Variants in SYNDIG1 observed in about 807,000 individuals in gnomAD.
SYNDIG1 encodes synapse differentiation inducing 1, also known as synapse differentiation-inducing gene protein 1.
SYNDIG1 carries 9 observed loss-of-function variants against 19.4 expected under a neutral mutation model. That is an observed-to-expected ratio of 0.46 (90% CI 0.28 to 0.81). SYNDIG1 has a LOEUF of 0.81. SYNDIG1 is among the 30% of genes least tolerant of loss of function. The probability of loss-of-function intolerance (pLI) is 0.12; values close to 1 mark genes in which losing one functional copy is unlikely to be tolerated. For synonymous variants in SYNDIG1, 141 were observed against 145.9 expected, an observed-to-expected ratio of 0.97 and a Z score of 0.24; for missense variants, 311 against 343.3, an observed-to-expected ratio of 0.91 and a Z score of 0.74.
At chr20:24,579,180 G>T (rs980316057) in intron 2 of SYNDIG1, among the ~76,000 whole-genome samples, 2 of 152,224 alleles carry the variant, frequency 1.3e-5, no homozygotes, top group Admixed American at 6.5e-5. Context: ...CCTGGCCCGG[G>T]TGCTCCGTCA....
chr20:24,647,451 C>T (rs1398331696), intron 3 of SYNDIG1, among the ~76,000 whole-genome samples: 2 of 152,156 alleles, frequency 1.3e-5, no homozygotes, highest in East Asian at 1.9e-4. Flanking sequence ...TGGTATTATA[C>T]GAACATCCTC....
At chr20:24,609,469 C>T (rs1001590493) in intron 3 of SYNDIG1, among the ~76,000 whole-genome samples, 9 of 152,130 alleles carry the variant, frequency 5.9e-5, no homozygotes, top group Non-Finnish European at 1.3e-4. Context: ...TCCATATGTA[C>T]GTCCCTGGAA....
intron 1 of SYNDIG1, among the ~76,000 whole-genome samples, chr20:24,529,651 T>TTG (rs988251053): frequency 1.3e-5 from 2 of 152,234 alleles, no homozygotes; most frequent in African/African-American, 4.8e-5. Flanking sequence ...CATTCTTAGC[T>TTG]TGTGGGCTGT....
At chr20:24,554,427 T>C (rs1188186302) in intron 2 of SYNDIG1, among the ~76,000 whole-genome samples, 3 of 152,276 alleles carry the variant, frequency 2.0e-5, no homozygotes, top group Admixed American at 6.5e-5. Flanking sequence ...TTCAGTATGA[T>C]ATTGGCTGTG....
chr20:24,473,797 G>T (rs2055539390), intron 1 of SYNDIG1, among the ~76,000 whole-genome samples: 1 of 152,202 alleles, frequency 6.6e-6, no homozygotes, highest in Non-Finnish European at 1.5e-5. Context: ...AGACAATGAA[G>T]TGTCCTCAAT....
intron 2 of SYNDIG1, among the ~76,000 whole-genome samples, chr20:24,563,346 T>C (rs1440889406): frequency 6.6e-6 from 1 of 152,196 alleles, no homozygotes; most frequent in African/African-American, 2.4e-5. Context: ...CCTCCCAATC[T>C]TAAAACTTGA....
At chr20:24,577,719 T>C (rs968878646) in intron 2 of SYNDIG1, among the ~76,000 whole-genome samples, 1 of 152,228 alleles carries the variant, frequency 6.6e-6, no homozygotes, top group African/African-American at 2.4e-5. Flanking sequence ...TGTCCTCAGT[T>C]GCCCTGGAGC....
chr20:24,615,816 C>G (rs1250195092), intron 3 of SYNDIG1, among the ~76,000 whole-genome samples: 1 of 149,414 alleles, frequency 6.7e-6, no homozygotes, highest in East Asian at 2.0e-4. Context: ...TTCCCTCTCC[C>G]CTCCCCGCCC....
chr20:24,494,220 T>C (rs2146330004), intron 1 of SYNDIG1, among the ~76,000 whole-genome samples: 1 of 152,242 alleles, frequency 6.6e-6, no homozygotes, highest in East Asian at 1.9e-4. Context: ...CAGGGCAGTA[T>C]GTGTGGGACT....
At chr20:24,627,383 A>C (rs780737460) in intron 3 of SYNDIG1, among the ~76,000 whole-genome samples, 1 of 152,152 alleles carries the variant, frequency 6.6e-6, no homozygotes, top group Non-Finnish European at 1.5e-5. Context: ...GAATCTGGAA[A>C]ACTTGAATGA....
chr20:24,640,077 T>C (rs2059355932), intron 3 of SYNDIG1, among the ~76,000 whole-genome samples: 1 of 152,190 alleles, frequency 6.6e-6, no homozygotes, highest in African/African-American at 2.4e-5. Context: ...CTCATGCCTG[T>C]AATTCCAGCA....
intron 2 of SYNDIG1, among the ~76,000 whole-genome samples, chr20:24,580,061 G>T (rs1254640023): frequency 6.6e-6 from 1 of 152,202 alleles, no homozygotes; most frequent in African/African-American, 2.4e-5. Flanking sequence ...GCCTTTCTCT[G>T]CCTTGGCTTT....
At chr20:24,659,590 C>A (rs1025500785) in intron 3 of SYNDIG1, among the ~76,000 whole-genome samples, 1 of 152,178 alleles carries the variant, frequency 6.6e-6, no homozygotes, top group Non-Finnish European at 1.5e-5. Flanking sequence ...GAAGCTGTGG[C>A]CCGGAAGATG....
chr20:24,559,420 G>C (rs890095526), intron 2 of SYNDIG1, among the ~76,000 whole-genome samples: 1 of 152,172 alleles, frequency 6.6e-6, no homozygotes, highest in Non-Finnish European at 1.5e-5. Flanking sequence ...TGTCATAAAA[G>C]TGCACATGTA....
At chr20:24,579,281 G>A (rs1049001775) in intron 2 of SYNDIG1, among the ~76,000 whole-genome samples, 1 of 152,168 alleles carries the variant, frequency 6.6e-6, no homozygotes, top group African/African-American at 2.4e-5. Context: ...TGGCAAGATG[G>A]TGTCTGTTAA....
chr20:24,642,802 A>G (rs763356443), intron 3 of SYNDIG1, among the ~76,000 whole-genome samples: 3 of 152,064 alleles, frequency 2.0e-5, no homozygotes, highest in Middle Eastern at 3.4e-3. Context: ...CTATTTTCCT[A>G]TGGAGCCCTG....
At chr20:24,570,058 T>C (rs563104966) in intron 2 of SYNDIG1, among the ~76,000 whole-genome samples, 75 of 152,354 alleles carry the variant, frequency 4.9e-4, no homozygotes, top group Admixed American at 1.0e-3. Flanking sequence ...CCAATTTCAG[T>C]ATTGTATTTT....
At chr20:24,653,816 G>A (rs759904447) in intron 3 of SYNDIG1, among the ~76,000 whole-genome samples, 7 of 152,220 alleles carry the variant, frequency 4.6e-5, no homozygotes, top group Admixed American at 6.5e-5. Context: ...TCATGTGGCC[G>A]CCTTCTTGCT....
intron 1 of SYNDIG1, among the ~76,000 whole-genome samples, chr20:24,518,711 C>A (rs1241660929): frequency 1.3e-5 from 2 of 152,238 alleles, no homozygotes; most frequent in Non-Finnish European, 2.9e-5. Flanking sequence ...TCACAAGGGC[C>A]CTAAGGCCAT....
Sources: gnomAD v4.1 joint callset for allele counts (sites outside exome capture counted in the v4.1 genomes callset) on GRCh38, gnomAD v4.1.1 for gene constraint, MANE v1.5 for transcripts, NCBI Gene and HGNC (gene_info 2026-07-23, HGNC 2026-07-21) for gene names.